ZNF469: variants seen among roughly 807,000 people sequenced by gnomAD.
ZNF469 encodes zinc finger protein 469.
Under a neutral mutation model 1.0 loss-of-function variants are expected in ZNF469, and 1 was observed. That is an observed-to-expected ratio of 1.00 (90% CI 0.35 to 4.73). The LOEUF (loss-of-function observed/expected upper bound fraction) is 4.73. Ranked by LOEUF, ZNF469 falls within the 30% of genes most tolerant of loss-of-function variation. ZNF469 has a pLI of 0.16. For synonymous variants in ZNF469, 2,703 were observed against 2,363.4 expected, an observed-to-expected ratio of 1.14 and a Z score of -4.17; for missense variants, 6,100 against 5,356.3, an observed-to-expected ratio of 1.14 and a Z score of -4.33.
chr16:88,330,037 C>T, the ZNF469 span, among the ~76,000 whole-genome samples: 1 of 152,242 alleles, frequency 6.6e-6, no homozygotes, highest in Non-Finnish European at 1.5e-5. Flanking sequence ...AGCCTGATGC[C>T]ATCCACATGA....
the ZNF469 span, among the ~76,000 whole-genome samples, chr16:88,242,810 C>G: frequency 2.3e-4 from 35 of 152,360 alleles, no homozygotes; most frequent in Non-Finnish European, 4.0e-4. Context: ...GGTGTTTACA[C>G]ATTCCTGTCA....
At chr16:88,245,787 A>G in the ZNF469 span, among the ~76,000 whole-genome samples, 3 of 152,376 alleles carry the variant, frequency 2.0e-5, no homozygotes, top group East Asian at 5.8e-4. Flanking sequence ...GGAACTCTCC[A>G]TGCAGCCACC....
chr16:88,239,491 CTTT>C, the ZNF469 span, among the ~76,000 whole-genome samples: 3 of 135,954 alleles, frequency 2.2e-5, no homozygotes, highest in Admixed American at 7.5e-5. Flanking sequence ...GATGGTCTCT[CTTT>C]TTTTTTTTTT....
the ZNF469 span, among the ~76,000 whole-genome samples, chr16:88,281,279 G>A: frequency 5.9e-4 from 79 of 133,042 alleles, 13 homozygotes; most frequent in East Asian, 0.012. Flanking sequence ...ATTTTGGTGC[G>A]TGGGTTAATG....
At position 88,434,402 on chromosome 16, in the gene ZNF469, G is replaced by A; in HGVS notation, c.6932G>A (p.Arg2311Lys). ...RGLPGPDPQS[R>K]GAPPHTNPDR... The stretch of plus-strand genomic sequence containing the variant: ...CTCCCAGGGCCAGACCCCCAGAGCA[G>A]GGGAGCCCCGCCCCACACCAACCCT... Residue 2311 changes from arginine (R) to lysine (K), a missense_variant, in exon 3 of 3, where the codon AGG becomes AAG. Coordinates refer to ENST00000565624, the MANE Select transcript of ZNF469 (RefSeq NM_001367624.2). 6.5e-7 allele frequency: 1 copy of A among 1,549,754 alleles called. No individual in the cohort carries two copies. The highest frequency in any genetic ancestry group is 8.7e-7 in the Non-Finnish European group (1 of 1,146,936).
rs200675426 is a variant in ZNF469 at position 88,428,993 on chromosome 16, CG to C, written c.1529del (p.Gly510AlafsTer28). ...MEMLSRLPFP[A>X]GGPEWQGGSQ... is the part of the protein sequence containing the mutation. ...ATGCTGAGCCGGCTGCCTTTCCCCGCGGGGGGCCCCGAGTGGCAGGGGGGCA... is the reference window on the plus strand; with the variant it reads ...ATGCTGAGCCGGCTGCCTTTCCCCGCGGGGGCCCCGAGTGGCAGGGGGGCA... On this transcript the variant is annotated frameshift_variant, in exon 3 of 3. Coordinates refer to ENST00000565624, the MANE Select transcript of ZNF469 (RefSeq NM_001367624.2). LOFTEE classifies it low-confidence loss of function (END_TRUNC). 4 of 1,549,082 alleles carry C rather than the reference CG, an allele frequency of 2.6e-6. No individual in the cohort carries two copies.
At chr16:88,164,004 T>G in the ZNF469 span, among the ~76,000 whole-genome samples, 1 of 139,176 alleles carries the variant, frequency 7.2e-6, no homozygotes, top group East Asian at 2.2e-4. Context: ...TGGGTAGATA[T>G]ATGGATGGGT....
chr16:88,192,629 T>C, the ZNF469 span, among the ~76,000 whole-genome samples: 3 of 152,414 alleles, frequency 2.0e-5, no homozygotes, highest in South Asian at 2.1e-4. Flanking sequence ...GAGGACAGTA[T>C]TGAGAGTCAT....
chr16:88,361,538 C>G, the ZNF469 span, among the ~76,000 whole-genome samples: 2 of 151,656 alleles, frequency 1.3e-5, no homozygotes, highest in African/African-American at 2.4e-5. Flanking sequence ...TTGTGAAGGT[C>G]TCTTTAAATT....
the ZNF469 span, among the ~76,000 whole-genome samples, chr16:88,232,042 T>C: frequency 5.0e-4 from 76 of 152,260 alleles, no homozygotes; most frequent in African/African-American, 1.7e-3. Context: ...GGCAGGCTCC[T>C]GGACCTGGAG....
chr16:88,109,925 T>C, the ZNF469 span, among the ~76,000 whole-genome samples: 1 of 152,224 alleles, frequency 6.6e-6, no homozygotes, highest in African/African-American at 2.4e-5. Flanking sequence ...TACCAAATGT[T>C]AGTTGAGTAA....
the ZNF469 span, among the ~76,000 whole-genome samples, chr16:88,256,590 G>A: frequency 1.3e-5 from 2 of 152,144 alleles, no homozygotes; most frequent in African/African-American, 4.8e-5. Context: ...TTACTGGGTG[G>A]TATGGTAAGA....
the ZNF469 span, among the ~76,000 whole-genome samples, chr16:88,258,642 G>T: frequency 6.7e-6 from 1 of 149,650 alleles, no homozygotes; most frequent in Non-Finnish European, 1.5e-5. Flanking sequence ...CATGAGTTTA[G>T]ACACTTGGAG....
chr16:88,431,584 G>T lies in ZNF469; in HGVS notation c.4114G>T (p.Gly1372Trp). The change falls in exon 3 of 3, where the codon GGG (glycine) becomes TGG (tryptophan). Residue 1372 changes from glycine (G) to tryptophan (W), a missense_variant. Physicochemically the swap from Gly to Trp is radical, Grantham distance 184 (BLOSUM62 -2). Transcript: ENST00000565624. ...CTTGGGGGTTCCAGTTGCCAAAAAG[G>T]GGCCTCAGCCCTACAGCAGCCCCCA... is the stretch of plus-strand genomic sequence containing the variant. Reference protein sequence around the residue: ...DPLGVPVAKKGPQPYSSPHSE... With the variant: ...DPLGVPVAKKWPQPYSSPHSE... 6.4e-7 allele frequency: 1 copy of T among 1,550,448 alleles called. No homozygotes were observed. The highest frequency in any genetic ancestry group is 8.7e-7 in the Non-Finnish European group (1 of 1,146,988).
the ZNF469 span, among the ~76,000 whole-genome samples, chr16:88,146,818 G>A: frequency 6.6e-6 from 1 of 152,046 alleles, no homozygotes; most frequent in Non-Finnish European, 1.5e-5. Flanking sequence ...CTTCCAGGAT[G>A]GAAGGGACCC....
chr16:88,148,253 A>AGACT, the ZNF469 span, among the ~76,000 whole-genome samples: 1 of 152,102 alleles, frequency 6.6e-6, no homozygotes, highest in Non-Finnish European at 1.5e-5. Context: ...GCTCCTTCAG[A>AGACT]GACTCCCTCG....
the ZNF469 span, among the ~76,000 whole-genome samples, chr16:88,176,944 G>A: frequency 3.3e-5 from 5 of 152,384 alleles, no homozygotes; most frequent in South Asian, 8.3e-4. Context: ...AAGGTGGGGC[G>A]TAGCTCGTGT....
intron 1 of ZNF469, among the ~76,000 whole-genome samples, chr16:88,385,872 C>G (rs950595360): frequency 3.9e-5 from 6 of 152,150 alleles, no homozygotes; most frequent in Non-Finnish European, 5.9e-5. Flanking sequence ...GTGGAGCACC[C>G]TGGCACAGGC....
the ZNF469 span, among the ~76,000 whole-genome samples, chr16:88,239,690 TATATATATATATATATATATATATA>T: frequency 0.011 from 62 of 5,586 alleles, 3 homozygotes; most frequent in African/African-American, 0.038. Flanking sequence ...TATATATATA[TATATATATATATATATATATATATA>T]TTTTTTTTTT....
Sources: gnomAD v4.1 joint callset for allele counts (sites outside exome capture counted in the v4.1 genomes callset) on GRCh38, gnomAD v4.1.1 for gene constraint, MANE v1.5 for transcripts, NCBI Gene and HGNC (gene_info 2026-07-23, HGNC 2026-07-21) for gene names.